Variants in SYNGR3 observed in about 807,000 individuals in gnomAD.
SYNGR3 encodes synaptogyrin 3.
SYNGR3 carries 10 observed loss-of-function variants against 18.5 expected under a neutral mutation model. The observed-to-expected ratio is 0.54, with a 90% confidence interval of 0.33 to 0.92. The LOEUF (loss-of-function observed/expected upper bound fraction) is 0.92. Among genes scored for constraint, SYNGR3 ranks in the 40% least tolerant of loss-of-function variants. The pLI, the probability that SYNGR3 is intolerant of heterozygous loss-of-function variation, is 0.02. For synonymous variants in SYNGR3, 188 were observed against 157.2 expected (o/e 1.20, Z -1.47); for missense variants, 335 against 332.8 (o/e 1.01, Z -0.05).
intron 2 of SYNGR3, 65 bp downstream of exon 2, chr16:1,992,276 G>A: frequency 1.0e-6 from 1 of 959,816 alleles, no homozygotes; most frequent in Non-Finnish European, 1.4e-6. Context: ...GGCGGGGCCT[G>A]GGCGGGGAAC....
Position 1,993,859 on chromosome 16 carries a change from C to G in SYNGR3, c.*787C>G, listed in dbSNP as rs2083617852. ...CAGGAGAGAGGCCCAGAGGCTCCAG[C>G]TGGCCACCGTGCCCCACAAGATGGC... On this transcript the variant is annotated 3_prime_UTR_variant, in exon 4 of 4. Transcript: ENST00000248121. The G allele has an allele frequency of 6.2e-6, 2 of 324,544 alleles. No individual in the cohort carries two copies. Among genetic ancestry groups the G allele is most frequent in the Admixed American group, 4.1e-5 (1 of 24,352 alleles). The allele number at this position is 324,544 out of a possible 1,614,324, so 20.1% of individuals were successfully genotyped here. A position where few individuals can be genotyped will look rare whatever the true frequency, so the allele number is the denominator to read the frequency against.
In SYNGR3 at chr16:1,993,202, G is replaced by C. The variant is rs2083614547; in HGVS notation, c.*130G>C. ...GTAGGTGGCCGCTTTGCGCCATCCG[G>C]GGCCAAGAGGGGGTGGACCCGCGTG... On this transcript the variant is annotated 3_prime_UTR_variant, in exon 4 of 4. Coordinates refer to ENST00000248121, the MANE Select transcript of SYNGR3 (RefSeq NM_004209.6). 1 of 1,174,856 alleles carries C rather than the reference G, an allele frequency of 8.5e-7. No homozygotes were observed. The highest frequency in any genetic ancestry group is 1.5e-5 in the African/African-American group (1 of 65,126). The allele number at this position is 1,174,856 out of a possible 1,614,324, so 72.8% of individuals were successfully genotyped here.
intron 1 of SYNGR3, 39 bp from the exon 2 acceptor site, chr16:1,991,935 C>A (rs1202980408): frequency 7.8e-6 from 12 of 1,539,120 alleles, no homozygotes; most frequent in Non-Finnish European, 9.6e-6. Context: ...TCGCAGAGGT[C>A]GGGTCGCCGC....
In SYNGR3 at chr16:1,990,030, G is replaced by T. The variant is rs2083593574; in HGVS notation, c.-73G>T. 1 of 534,080 alleles carries T rather than the reference G, an allele frequency of 1.9e-6. No homozygotes were observed. Among genetic ancestry groups the T allele is most frequent in the East Asian group, 4.9e-5 (1 of 20,416 alleles). 33.1% of individuals were successfully genotyped at this position (534,080 alleles called of 1,614,324 possible). ...ATCAGCATCAGCGGCAGCGGCAGCG[G>T]CCTCGGGCGGGGCCGGCCGGACGGA... On this transcript the variant is annotated 5_prime_UTR_variant, in exon 1 of 4. Transcript: ENST00000248121.
Position 1,993,412 on chromosome 16 carries a change from C to A in SYNGR3, c.*340C>A. ...GGGTTGGGGGTCCAGCTGCCCTCTA[C>A]GATCAGGTGCAGGGGCTGCCCAGGA... is the stretch of plus-strand genomic sequence containing the variant. On this transcript the variant is annotated 3_prime_UTR_variant, in exon 4 of 4. Transcript: ENST00000248121. The A allele has an allele frequency of 3.6e-6, 2 of 557,090 alleles. No individual in the cohort carries two copies. The highest frequency in any genetic ancestry group is 3.1e-5 in the South Asian group (2 of 65,452). The allele number at this position is 557,090 out of a possible 1,614,324, so 34.5% of individuals were successfully genotyped here.
Position 1,991,979 on chromosome 16 carries a change from C to T in SYNGR3, c.105C>T (p.Phe35=). The T allele has an allele frequency of 6.3e-7, 1 of 1,595,200 alleles. No individual in the cohort carries two copies. The highest frequency in any genetic ancestry group is 8.5e-7 in the Non-Finnish European group (1 of 1,173,114). ...GAGCGCCGCGCCGCACGCAGGTGTTCTCCATCGCCGTCTTCGGGCCCATCG... is the reference window on the plus strand; with the variant it reads ...GAGCGCCGCGCCGCACGCAGGTGTTTTCCATCGCCGTCTTCGGGCCCATCG... ...QTLLRVASWV[F]SIAVFGPIVN... Residue 35 remains phenylalanine, a synonymous_variant, in exon 2 of 4, where the codon TTC becomes TTT. Coordinates refer to ENST00000248121, the MANE Select transcript of SYNGR3 (RefSeq NM_004209.6).
In SYNGR3 at chr16:1,994,119, A is replaced by G. The variant is rs2083619133; in HGVS notation, c.*1047A>G. 6.3e-6 allele frequency: 1 copy of G among 157,614 alleles called. No homozygotes were observed. The highest frequency in any genetic ancestry group is 2.4e-5 in the African/African-American group (1 of 41,504). 9.8% of individuals were successfully genotyped at this position (157,614 alleles called of 1,614,324 possible). A position where few individuals can be genotyped will look rare whatever the true frequency, so the allele number is the denominator to read the frequency against. On this transcript the variant is annotated 3_prime_UTR_variant, in exon 4 of 4. Transcript: ENST00000248121. ...TGACAACCTTGTTACATTGTAGCCT[A>G]GACCAATTCTGTGTGGATATTTAAG...
At position 1,993,488 on chromosome 16, in the gene SYNGR3, C is replaced by G. The variant is rs2083616098; in HGVS notation, c.*416C>G. On this transcript the variant is annotated 3_prime_UTR_variant, in exon 4 of 4. Coordinates refer to ENST00000248121, the MANE Select transcript of SYNGR3 (RefSeq NM_004209.6). ...CACCCTCGCCCCAAGACTGGGGATCCTGGCCACTGTTCCCATCCCATGTCC... is the reference window on the plus strand; with the variant it reads ...CACCCTCGCCCCAAGACTGGGGATCGTGGCCACTGTTCCCATCCCATGTCC... 1 of 480,026 alleles carries G rather than the reference C, an allele frequency of 2.1e-6. No individual in the cohort carries two copies. The highest frequency in any genetic ancestry group is 4.1e-6 in the Non-Finnish European group (1 of 242,946). The allele number at this position is 480,026 out of a possible 1,614,324, so 29.7% of individuals were successfully genotyped here.
rs556774581 is a variant in SYNGR3 at position 1,990,283 on chromosome 16, C to A, written c.99+82C>A. 2.9e-5 allele frequency: 17 copies of A among 578,144 alleles called. 1 individual carries two copies. The South Asian group carries it at 1.0e-3, about 36-fold the overall frequency. The allele number at this position is 578,144 out of a possible 1,614,324, so 35.8% of individuals were successfully genotyped here. A position where few individuals can be genotyped will look rare whatever the true frequency, so the allele number is the denominator to read the frequency against. On this transcript the variant is annotated intron_variant, in intron 1 of 3. Transcript: ENST00000248121. The stretch of plus-strand genomic sequence containing the variant: ...CCTACCAGCCCCCTGCCCCCTACCC[C>A]CTGCCCCCTGCTTCTCGCCCCCCGA...
intron 1 of SYNGR3, 128 bp downstream of exon 1, chr16:1,990,329 G>C: frequency 2.6e-6 from 1 of 380,268 alleles, no homozygotes; most frequent in Non-Finnish European, 4.2e-6. Flanking sequence ...TCTCATCCTC[G>C]CCGGCCCCTC....
chr16:1,992,425 G>C (rs1412851572), intron 2 of SYNGR3: 1 of 838,412 alleles, frequency 1.2e-6, no homozygotes, highest in African/African-American at 1.8e-5. Flanking sequence ...GGTAGGCGGG[G>C]CCCGGGTCTG....
Position 1,990,153 on chromosome 16 carries a change from C to T in SYNGR3, c.51C>T (p.Pro17=). ...GAGRAGAALD[P]VSFARRPQTL... ...GCCGCGCAGGGGCCGCCCTGGACCCCGTGAGCTTTGCGCGGCGGCCCCAGA... is the reference window on the plus strand; with the variant it reads ...GCCGCGCAGGGGCCGCCCTGGACCCTGTGAGCTTTGCGCGGCGGCCCCAGA... The change falls in exon 1 of 4, where the codon CCC becomes CCT. Residue 17 remains proline (P), a synonymous_variant. Transcript: ENST00000248121. 3 of 1,259,054 alleles carry T rather than the reference C, an allele frequency of 2.4e-6. No homozygotes were observed. The highest frequency in any genetic ancestry group is 2.0e-6 in the Non-Finnish European group (2 of 999,724). The allele number at this position is 1,259,054 out of a possible 1,614,324, so 78.0% of individuals were successfully genotyped here. A position where few individuals can be genotyped will look rare whatever the true frequency, so the allele number is the denominator to read the frequency against.
At position 1,990,771 on chromosome 16, in the gene SYNGR3, G is replaced by C. The variant is rs547819741; in HGVS notation, c.99+570G>C. The C allele has an allele frequency of 2.1e-5, 4 of 192,492 alleles. No homozygotes were observed. In the Admixed American group the frequency reaches 2.5e-4, roughly 12 times the overall value. The allele number at this position is 192,492 out of a possible 1,614,324, so 11.9% of individuals were successfully genotyped here. On this transcript the variant is annotated intron_variant, in intron 1 of 3. Coordinates refer to ENST00000248121, the MANE Select transcript of SYNGR3 (RefSeq NM_004209.6). The stretch of plus-strand genomic sequence containing the variant: ...GCCTAGCCCACTGGGGCGTCCCTGG[G>C]AGGGCCCTGCTGCTCCTTCCCTCCG...
In SYNGR3 at chr16:1,992,891, G is replaced by C; in HGVS notation, c.509G>C (p.Arg170Pro). The part of the protein sequence containing the change: ...WVALTVKALQ[R>P]FRLGTDMSLF... ...GCGCTCACCGTGAAGGCCCTGCAGC[G>C]GTTCCGCCTGGGCACCGACATGTCA... The change falls in exon 4 of 4, where the codon CGG becomes CCG. Residue 170 changes from arginine (R) to proline (P), a missense_variant. Coordinates refer to ENST00000248121, the MANE Select transcript of SYNGR3 (RefSeq NM_004209.6). 1 of 1,599,926 alleles carries C rather than the reference G, an allele frequency of 6.3e-7. No homozygotes were observed. The highest frequency in any genetic ancestry group is 8.5e-7 in the Non-Finnish European group (1 of 1,172,622).
rs1312443479 is a variant in SYNGR3 at position 1,992,581 on chromosome 16, G to GGCCGCCGTGGGCC, written c.338-54_338-42dup. The GGCCGCCGTGGGCC allele has an allele frequency of 3.6e-5, 57 of 1,562,350 alleles. No homozygotes were observed. The East Asian group carries it at 1.2e-3, about 34-fold the overall frequency. On this transcript the variant is annotated intron_variant, in intron 2 of 3. Coordinates refer to ENST00000248121, the MANE Select transcript of SYNGR3 (RefSeq NM_004209.6). ...CACCGACCTTTCCTCCTCCGGGCGA[G>GGCCGCCGTGGGCC]GCCGCCGTGGGCCACCGCGTGGAGC...
chr16:1,993,481 G>A lies in SYNGR3; in HGVS notation c.*409G>A. 2.1e-6 allele frequency: 1 copy of A among 482,132 alleles called. No individual in the cohort carries two copies. Among genetic ancestry groups the A allele is most frequent in the Non-Finnish European group, 4.1e-6 (1 of 244,326 alleles). The allele number at this position is 482,132 out of a possible 1,614,324, so 29.9% of individuals were successfully genotyped here. A position where few individuals can be genotyped will look rare whatever the true frequency, so the allele number is the denominator to read the frequency against. ...AAGACACCACCCTCGCCCCAAGACT[G>A]GGGATCCTGGCCACTGTTCCCATCC... is the stretch of plus-strand genomic sequence containing the variant. On this transcript the variant is annotated 3_prime_UTR_variant, in exon 4 of 4. Transcript: ENST00000248121.
In SYNGR3 at chr16:1,992,743, G is replaced by T; in HGVS notation, c.445G>T (p.Ala149Ser). ...GCAGGCGGGGGACGCGGCGCGGGCC[G>T]CCATCGCCTTCAGCTTCTTCTCCAT... ...TTQAGDAARAAIAFSFFSILS... is the reference protein window; with the variant it reads ...TTQAGDAARASIAFSFFSILS... Residue 149 changes from alanine (A) to serine (S), a missense_variant, in exon 3 of 4, where the codon GCC (alanine) becomes TCC (serine). Ala to Ser is a moderately conservative substitution (Grantham distance 99). Transcript: ENST00000248121. 1.3e-6 allele frequency: 2 copies of T among 1,581,486 alleles called. No homozygotes were observed. The highest frequency in any genetic ancestry group is 1.7e-6 in the Non-Finnish European group (2 of 1,168,016).
chr16:1,990,896 C>T (rs992995532), intron 1 of SYNGR3, among the ~76,000 whole-genome samples: 2 of 152,256 alleles, frequency 1.3e-5, no homozygotes, highest in Non-Finnish European at 2.9e-5. Context: ...GAGGGCGGTG[C>T]CCACGGTGGG....
intron 2 of SYNGR3, chr16:1,992,428 C>A: frequency 1.4e-6 from 1 of 722,744 alleles, no homozygotes; most frequent in Non-Finnish European, 1.9e-6. Flanking sequence ...AGGCGGGGCC[C>A]GGGTCTGGGC....
Sources: allele counts gnomAD v4.1 joint callset (sites outside exome capture counted in the v4.1 genomes callset), GRCh38; gene constraint gnomAD v4.1.1; transcripts MANE v1.5; gene names NCBI Gene and HGNC (gene_info 2026-07-23, HGNC 2026-07-21).